Variants in CSMD3 observed in about 807,000 individuals in gnomAD.
CSMD3 encodes CUB and Sushi multiple domains 3.
In CSMD3, 177 loss-of-function variants were observed where a neutral mutation model predicts 435.2. The ratio of observed to expected loss-of-function variants is 0.41; its 90% CI spans 0.36 to 0.46. CSMD3 has a LOEUF of 0.46. Ranked by LOEUF, CSMD3 falls within the 20% of genes least tolerant of loss-of-function variation. The pLI is 0.34. For missense variants in CSMD3, 4,265 were observed against 4,504.6 expected (o/e 0.95, Z 1.52); for synonymous variants, 1,656 against 1,520.5 (o/e 1.09, Z -2.07).
At position 112,352,328 on chromosome 8, in the gene CSMD3, G is replaced by A. The variant is rs556172243; in HGVS notation, c.6255+88C>T. 5.6e-6 allele frequency: 9 copies of A among 1,593,148 alleles called. No homozygotes were observed. The East Asian group carries it at 1.4e-4, about 24-fold the overall frequency. ...TCAGACACAAACCAGGATCAATGTT[G>A]TAAAACCCGTGGCTTATCAATCATT... On this transcript the variant is annotated intron_variant, in intron 39 of 70. Transcript: ENST00000297405.
At chr8:112,265,247 A>G (rs1242830134) in intron 60 of CSMD3, among the ~76,000 whole-genome samples, 164 bp downstream of exon 60, 4 of 151,904 alleles carry the variant, frequency 2.6e-5, no homozygotes, top group African/African-American at 9.7e-5. Context: ...TAAATTCTAT[A>G]TATTAAAATA....
intron 5 of CSMD3, among the ~76,000 whole-genome samples, chr8:113,027,377 C>G (rs1226654598): frequency 6.6e-6 from 1 of 152,024 alleles, no homozygotes; most frequent in South Asian, 2.1e-4. Flanking sequence ...GTGCGGGGTA[C>G]TAAAAGTTGA....
At chr8:113,391,722 T>G (rs1250143247) in intron 1 of CSMD3, among the ~76,000 whole-genome samples, 2 of 151,844 alleles carry the variant, frequency 1.3e-5, no homozygotes, top group Non-Finnish European at 2.9e-5. Context: ...CAGAACTGGA[T>G]GTGGAGTTTA....
In CSMD3 at chr8:112,281,333, G is replaced by A. The variant is rs1179594036; in HGVS notation, c.9349C>T (p.Pro3117Ser). ...ACTTTCCCATTGGCTGTGGTTCCTG[G>A]GTTACCACACTGCACAGCTATAAAA... Reference protein sequence around the residue: ...PECKAVQCGNPGTTANGKVFR... With the variant: ...PECKAVQCGNSGTTANGKVFR... The change falls in exon 59 of 71, where the codon CCA becomes TCA. Residue 3117 changes from proline to serine, a missense_variant. Physicochemically the swap from Pro to Ser is moderately conservative, Grantham distance 74. Transcript: ENST00000297405. The A allele has an allele frequency of 6.2e-7, 1 of 1,612,490 alleles. No homozygotes were observed. The highest frequency in any genetic ancestry group is 8.5e-7 in the Non-Finnish European group (1 of 1,178,986).
intron 4 of CSMD3, among the ~76,000 whole-genome samples, chr8:113,135,476 G>T (rs1423235839): frequency 6.6e-6 from 1 of 151,556 alleles, no homozygotes; most frequent in Non-Finnish European, 1.5e-5. Context: ...GACAAAAATG[G>T]CTTTTTGAAA....
intron 1 of CSMD3, among the ~76,000 whole-genome samples, chr8:113,325,820 T>C (rs765221301): frequency 6.6e-6 from 1 of 152,124 alleles, no homozygotes. Context: ...CCAATGTAGA[T>C]CTTAGCCTCA....
chr8:112,888,639 G>A (rs977081961), intron 10 of CSMD3, among the ~76,000 whole-genome samples: 3 of 151,574 alleles, frequency 2.0e-5, no homozygotes, highest in Non-Finnish European at 4.4e-5. Context: ...GAAAAACAGA[G>A]GAAACTGCAG....
At chr8:113,022,816 T>A (rs2086730074) in intron 5 of CSMD3, among the ~76,000 whole-genome samples, 1 of 151,928 alleles carries the variant, frequency 6.6e-6, no homozygotes, top group Non-Finnish European at 1.5e-5. Flanking sequence ...TCAAATTTCA[T>A]TGCATGTTTA....
intron 13 of CSMD3, among the ~76,000 whole-genome samples, chr8:112,791,665 A>G (rs1478407293): frequency 6.6e-6 from 1 of 152,158 alleles, no homozygotes; most frequent in Non-Finnish European, 1.5e-5. Context: ...TCCAGTTTGT[A>G]GAAATTTTAA....
chr8:113,045,563 G>C (rs1264119341), intron 5 of CSMD3, among the ~76,000 whole-genome samples: 1 of 149,158 alleles, frequency 6.7e-6, no homozygotes, highest in Non-Finnish European at 1.5e-5. Flanking sequence ...AAAAAATAAA[G>C]CCAAAGCAAG....
At chr8:113,373,600 T>C (rs964566752) in intron 1 of CSMD3, among the ~76,000 whole-genome samples, 6 of 152,052 alleles carry the variant, frequency 3.9e-5, no homozygotes, top group Non-Finnish European at 7.4e-5. Flanking sequence ...TTAATTAACT[T>C]TACTGGTATT....
At chr8:112,655,225 A>G (rs958646355) in intron 18 of CSMD3, among the ~76,000 whole-genome samples, 16 of 152,146 alleles carry the variant, frequency 1.1e-4, no homozygotes, top group South Asian at 2.1e-4. Flanking sequence ...TTTCAAATGC[A>G]GAAATCTCTT....
At chr8:112,501,219 A>G (rs1383996805) in intron 30 of CSMD3, among the ~76,000 whole-genome samples, 1 of 151,886 alleles carries the variant, frequency 6.6e-6, no homozygotes, top group East Asian at 1.9e-4. Flanking sequence ...GACAACATAG[A>G]TATATTTTTG....
chr8:112,489,512 C>T (rs1563606899), intron 31 of CSMD3, among the ~76,000 whole-genome samples: 1 of 152,132 alleles, frequency 6.6e-6, no homozygotes, highest in Non-Finnish European at 1.5e-5. Context: ...TGATATGTGA[C>T]ATTGATTAAG....
chr8:112,731,217 A>G (rs1176928819), intron 13 of CSMD3, among the ~76,000 whole-genome samples: 1 of 152,108 alleles, frequency 6.6e-6, no homozygotes, highest in Non-Finnish European at 1.5e-5. Context: ...GATCTACACT[A>G]AAAGGAAAGT....
At chr8:112,815,465 T>C (rs1214245959) in intron 12 of CSMD3, among the ~76,000 whole-genome samples, 1 of 152,168 alleles carries the variant, frequency 6.6e-6, no homozygotes, top group East Asian at 1.9e-4. Context: ...AGTTGGAATA[T>C]GGATACTTCA....
intron 1 of CSMD3, among the ~76,000 whole-genome samples, chr8:113,376,372 G>A (rs1478429525): frequency 6.6e-6 from 1 of 151,872 alleles, no homozygotes; most frequent in African/African-American, 2.4e-5. Flanking sequence ...GTAAATACAT[G>A]TTCAAGAACT....
At chr8:113,027,815 T>C (rs1338705683) in intron 5 of CSMD3, among the ~76,000 whole-genome samples, 2 of 152,108 alleles carry the variant, frequency 1.3e-5, no homozygotes, top group African/African-American at 4.8e-5. Flanking sequence ...ATCTATCCTT[T>C]AGATGAATTC....
intron 1 of CSMD3, among the ~76,000 whole-genome samples, chr8:113,390,683 CA>C (rs1352281196): frequency 6.6e-6 from 1 of 151,632 alleles, no homozygotes; most frequent in Non-Finnish European, 1.5e-5. Context: ...GCTGTTCAGC[CA>C]AGGGTCTAAC....
Sources: allele counts gnomAD v4.1 joint callset (sites outside exome capture counted in the v4.1 genomes callset), GRCh38; gene constraint gnomAD v4.1.1; transcripts MANE v1.5; gene names NCBI Gene and HGNC (gene_info 2026-07-23, HGNC 2026-07-21).